The following RECK variants were observed in gnomAD, a reference collection of about 807,000 sequenced individuals.
RECK encodes reversion inducing cysteine rich protein with kazal motifs, also known as reversion-inducing cysteine-rich protein with Kazal motifs.
A neutral mutation model predicts 115.1 loss-of-function variants in RECK; 69 were observed. That is an observed-to-expected ratio of 0.60 (90% CI 0.49 to 0.73). The LOEUF (loss-of-function observed/expected upper bound fraction) is 0.73. Ranked by LOEUF, RECK falls within the 30% of genes least tolerant of loss-of-function variation. The pLI, the probability that RECK is intolerant of heterozygous loss-of-function variation, is 0.00. For missense variants in RECK, 1,047 were observed against 1,203.7 expected (o/e 0.87, Z 1.93); for synonymous variants, 414 against 419.7 (o/e 0.99, Z 0.17).
chr9:36,051,999 A>G (rs1254336421), intron 1 of RECK, among the ~76,000 whole-genome samples: 2 of 152,218 alleles, frequency 1.3e-5, no homozygotes, highest in Non-Finnish European at 2.9e-5. Context: ...TCTGGGACAT[A>G]GAAAGCACAC....
chr9:36,037,125 G>C, intron 1 of RECK, 27 bp downstream of exon 1: 1 of 1,253,762 alleles, frequency 8.0e-7, no homozygotes, highest in Non-Finnish European at 1.0e-6. Context: ...GCAACGGTTC[G>C]AAGCTGTCGG....
chr9:36,097,528 C>G (rs1823401860), intron 10 of RECK, among the ~76,000 whole-genome samples: 1 of 152,004 alleles, frequency 6.6e-6, no homozygotes, highest in South Asian at 2.1e-4. Context: ...TGGAAGATAA[C>G]AATTGTTAGC....
At chr9:36,116,697 T>C (rs1013406659) in intron 16 of RECK, among the ~76,000 whole-genome samples, 1 of 152,194 alleles carries the variant, frequency 6.6e-6, no homozygotes, top group African/African-American at 2.4e-5. Flanking sequence ...GCTGCCCCCT[T>C]TGCCCCCCCA....
chr9:36,048,158 T>TAG, intron 1 of RECK, among the ~76,000 whole-genome samples: 1 of 144,670 alleles, frequency 6.9e-6, no homozygotes, highest in Non-Finnish European at 1.5e-5. Flanking sequence ...TATATATATA[T>TAG]ATGTAAAAAC....
At chr9:36,072,812 G>A (rs1167051112) in intron 6 of RECK, 1 of 152,098 alleles carries the variant, frequency 6.6e-6, no homozygotes, top group Non-Finnish European at 1.5e-5. Context: ...TTGTAGTTGG[G>A]GGAAGGGAGT....
At chr9:36,120,847 GA>G (rs766844057) in intron 19 of RECK, 111 bp downstream of exon 19, 15 of 785,830 alleles carry the variant, frequency 1.9e-5, no homozygotes, top group Non-Finnish European at 2.7e-5. Flanking sequence ...CTAATCTTCA[GA>G]AAAGCAACTT....
chr9:36,061,952 T>G (rs1186727129), intron 4 of RECK, among the ~76,000 whole-genome samples: 1 of 152,210 alleles, frequency 6.6e-6, no homozygotes, highest in East Asian at 1.9e-4. Flanking sequence ...TAGTTTCATT[T>G]GGGGAACTAT....
intron 4 of RECK, among the ~76,000 whole-genome samples, chr9:36,060,712 C>G (rs1350975235): frequency 6.6e-6 from 1 of 151,836 alleles, no homozygotes; most frequent in Non-Finnish European, 1.5e-5. Context: ...TGGTCTTCTT[C>G]CCTTCTGTCT....
Position 36,122,931 on chromosome 9 carries a change from A to G in RECK, c.2802A>G (p.Val934=). ...TCTCTGCCCTCATCATTTCCCAGGT[A>G]CAGGTCTCCAGCAGTGTGCCATCGG... The part of the protein sequence containing the change: ...VPLSALIISQ[V]QVSSSVPSAG... Residue 934 remains valine, a synonymous_variant, in exon 21 of 21, where the codon GTA becomes GTG. Coordinates refer to ENST00000377966, the MANE Select transcript of RECK (RefSeq NM_021111.3). The G allele has an allele frequency of 1.2e-6, 2 of 1,614,170 alleles. No individual in the cohort carries two copies. The highest frequency in any genetic ancestry group is 8.5e-7 in the Non-Finnish European group (1 of 1,180,036).
At chr9:36,091,118 A>G in intron 9 of RECK, 46 bp from the exon 10 acceptor site, 1 of 1,562,838 alleles carries the variant, frequency 6.4e-7, no homozygotes, top group Middle Eastern at 1.7e-4. Flanking sequence ...TCAAATATTT[A>G]CTTGGTTGGC....
intron 8 of RECK, 54 bp from the exon 9 acceptor site, chr9:36,087,640 T>C (rs1823014075): frequency 1.3e-6 from 2 of 1,567,178 alleles, no homozygotes; most frequent in Non-Finnish European, 1.7e-6. Flanking sequence ...TAAAGTACAA[T>C]AAAAACAAAC....
intron 6 of RECK, among the ~76,000 whole-genome samples, chr9:36,079,293 T>G (rs1403481107): frequency 6.6e-6 from 1 of 152,140 alleles, no homozygotes; most frequent in East Asian, 1.9e-4. Flanking sequence ...AATGCATAAC[T>G]GAAAAGTCAC....
chr9:36,120,722 G>T lies in RECK; in HGVS notation c.2524G>T (p.Asp842Tyr). The change falls in exon 19 of 21, where the codon GAT becomes TAT. Residue 842 changes from aspartate (D) to tyrosine (Y), a missense_variant. Asp to Tyr is a radical substitution (Grantham distance 160). Coordinates refer to ENST00000377966, the MANE Select transcript of RECK (RefSeq NM_021111.3). ...LRVLFDKEKL[D>Y]TIAKVTNKKP... ...AGTTTTATTTGACAAAGAAAAACTG[G>T]ATACTATTGCTAAGGTAAATTGCTT... The T allele has an allele frequency of 6.2e-7, 1 of 1,607,948 alleles. No homozygotes were observed. The highest frequency in any genetic ancestry group is 8.5e-7 in the Non-Finnish European group (1 of 1,174,388).
At chr9:36,066,879 G>A (rs1418133812) in intron 6 of RECK, 2 of 1,262,584 alleles carry the variant, frequency 1.6e-6, no homozygotes, top group South Asian at 2.5e-5. Flanking sequence ...AGGTAAGAGA[G>A]ACAAACTGTC....
In RECK at chr9:36,079,052, C is replaced by T. The variant is rs1208167412; in HGVS notation, c.406-1553C>T. Among the ~76,000 whole-genome samples, 17 of 152,124 alleles carry T rather than the reference C, an allele frequency of 1.1e-4. No homozygotes were observed. In the East Asian group the frequency reaches 1.2e-3, roughly 10 times the overall value. ...CTAGGATTACAGGCATGCACCACCACGCCCGGCTAATTTTGTATTTTCAGT... is the reference window on the plus strand; with the variant it reads ...CTAGGATTACAGGCATGCACCACCATGCCCGGCTAATTTTGTATTTTCAGT... On this transcript the variant is annotated intron_variant, in intron 6 of 20. Coordinates refer to ENST00000377966, the MANE Select transcript of RECK (RefSeq NM_021111.3).
chr9:36,110,300 C>A (rs908205427), intron 15 of RECK, among the ~76,000 whole-genome samples: 1 of 152,154 alleles, frequency 6.6e-6, no homozygotes, highest in Admixed American at 6.5e-5. Flanking sequence ...CACTAATATT[C>A]TGGAATTTCA....
intron 10 of RECK, among the ~76,000 whole-genome samples, chr9:36,096,675 T>C (rs1823354261): frequency 6.6e-6 from 1 of 152,206 alleles, no homozygotes; most frequent in Admixed American, 6.5e-5. Context: ...AAAAAACTGC[T>C]TCCAGATGGA....
At position 36,094,622 on chromosome 9, in the gene RECK, A is replaced by G. The variant is rs993766645; in HGVS notation, c.1085+3279A>G. ...ACTGTATCAATAATTACATAAACGT[A>G]AATGAACTAAAAACATCGATTGAAA... On this transcript the variant is annotated intron_variant, in intron 10 of 20. Coordinates refer to ENST00000377966, the MANE Select transcript of RECK (RefSeq NM_021111.3). The surrounding 1 kb of genome is among the most constrained non-coding windows in gnomAD (Gnocchi z 4.1). Among the ~76,000 whole-genome samples, 1 of 152,230 alleles carries G rather than the reference A, an allele frequency of 6.6e-6. No individual in the cohort carries two copies. Among genetic ancestry groups the G allele is most frequent in the Non-Finnish European group, 1.5e-5 (1 of 68,022 alleles).
intron 16 of RECK, among the ~76,000 whole-genome samples, chr9:36,115,043 G>A (rs1220606832): frequency 6.6e-6 from 1 of 152,028 alleles, no homozygotes; most frequent in Non-Finnish European, 1.5e-5. Context: ...GGCCGGGCAC[G>A]GTGGCTCATA....
Sources: allele counts gnomAD v4.1 joint callset (sites outside exome capture counted in the v4.1 genomes callset), GRCh38; gene constraint gnomAD v4.1.1; non-coding constraint Gnocchi (gnomAD v3.1); transcripts MANE v1.5; gene names NCBI Gene and HGNC (gene_info 2026-07-23, HGNC 2026-07-21).